The following TENM3 variants were observed in gnomAD, a reference collection of about 807,000 sequenced individuals.
TENM3 encodes teneurin-3.
A neutral mutation model predicts 255.1 loss-of-function variants in TENM3; 63 were observed. The observed-to-expected ratio is 0.25, with a 90% CI of 0.20 to 0.30. The LOEUF is 0.30. Among genes scored for constraint, TENM3 ranks in the 10% least tolerant of loss-of-function variants. The pLI is 1.00. For synonymous variants in TENM3, 1,306 were observed against 1,322.3 expected (o/e 0.99, Z 0.27); for missense variants, 2,929 against 3,461.1 (o/e 0.85, Z 3.86).
chr4:182,705,756 C>G (rs1209277741), intron 12 of TENM3, among the ~76,000 whole-genome samples: 2 of 152,232 alleles, frequency 1.3e-5, no homozygotes, highest in African/African-American at 2.4e-5. Flanking sequence ...TTGGGAACTA[C>G]TACTCAGCAG....
chr4:181,525,097 T>A, the TENM3 span, among the ~76,000 whole-genome samples: 3 of 152,000 alleles, frequency 2.0e-5, no homozygotes, highest in African/African-American at 7.2e-5. Flanking sequence ...GTTTGACAGG[T>A]CAGTGCTAAT....
the TENM3 span, among the ~76,000 whole-genome samples, chr4:181,927,361 G>A: frequency 6.6e-6 from 1 of 152,226 alleles, no homozygotes; most frequent in Non-Finnish European, 1.5e-5. Context: ...CATTACTGGG[G>A]CCTGAGTAGG....
intron 3 of TENM3, among the ~76,000 whole-genome samples, chr4:182,505,920 G>A (rs1736770400): frequency 1.3e-5 from 2 of 152,168 alleles, no homozygotes; most frequent in South Asian, 2.1e-4. Context: ...TCCTGTTAAA[G>A]CAAAGCATTA....
chr4:181,816,833 C>T, the TENM3 span, among the ~76,000 whole-genome samples: 1 of 152,182 alleles, frequency 6.6e-6, no homozygotes, highest in African/African-American at 2.4e-5. Flanking sequence ...ATAGTCTTAT[C>T]CTCTCTTGGC....
the TENM3 span, among the ~76,000 whole-genome samples, chr4:181,867,487 A>G: frequency 6.6e-6 from 1 of 152,146 alleles, no homozygotes; most frequent in Non-Finnish European, 1.5e-5. Flanking sequence ...TACCTCTTTT[A>G]TGATACTCAC....
the TENM3 span, among the ~76,000 whole-genome samples, chr4:181,605,549 A>AG: frequency 6.3e-4 from 18 of 28,686 alleles, 1 homozygote; most frequent in Admixed American, 1.6e-3. Flanking sequence ...AAAGAAAGAA[A>AG]GAAAGAAAGA....
chr4:182,702,742 T>C (rs951208459), intron 12 of TENM3, among the ~76,000 whole-genome samples: 4 of 151,800 alleles, frequency 2.6e-5, no homozygotes, highest in African/African-American at 7.3e-5. Flanking sequence ...TCTTTTTTTT[T>C]TTTTTCTTTT....
At chr4:182,051,776 C>T in the TENM3 span, among the ~76,000 whole-genome samples, 1 of 152,072 alleles carries the variant, frequency 6.6e-6, no homozygotes, top group Admixed American at 6.5e-5. Context: ...AGCAAGGTTG[C>T]CCTGTATAAC....
rs1217556386 is a variant in TENM3, at chr4:182,412,487, C to T, written c.511+65558C>T. ...CAGTGTTTGGAAGATGAGTTCACTG[C>T]ATATGAAATGAAAATGATGAGTTTT... is the stretch of plus-strand genomic sequence containing the variant. On this transcript the variant is annotated intron_variant, in intron 3 of 27. Transcript: ENST00000511685. 4.6e-5 allele frequency among the ~76,000 whole-genome samples: 7 copies of T among 152,110 alleles called. No homozygotes were observed. In the East Asian group the frequency reaches 1.4e-3, roughly 29 times the overall value.
At chr4:182,461,267 G>C (rs1209633022) in intron 3 of TENM3, among the ~76,000 whole-genome samples, 1 of 152,188 alleles carries the variant, frequency 6.6e-6, no homozygotes, top group African/African-American at 2.4e-5. Context: ...AGATGCTTGA[G>C]TCTGATTGAA....
At chr4:181,507,109 C>T in the TENM3 span, among the ~76,000 whole-genome samples, 210 of 152,306 alleles carry the variant, frequency 1.4e-3, no homozygotes, top group Middle Eastern at 0.01. Context: ...TACCTGATCT[C>T]GTGGCATCTG....
At chr4:181,483,871 A>G in the TENM3 span, among the ~76,000 whole-genome samples, 1 of 152,308 alleles carries the variant, frequency 6.6e-6, no homozygotes, top group South Asian at 2.1e-4. Context: ...GATGATTGGT[A>G]GTAAACTTCT....
the TENM3 span, among the ~76,000 whole-genome samples, chr4:181,735,271 G>A: frequency 2.0e-5 from 3 of 152,070 alleles, no homozygotes; most frequent in East Asian, 5.8e-4. Flanking sequence ...TTTTAAACTT[G>A]TAAAAGAGTT....
the TENM3 span, among the ~76,000 whole-genome samples, chr4:182,059,061 T>C: frequency 6.6e-6 from 1 of 151,484 alleles, no homozygotes; most frequent in Non-Finnish European, 1.5e-5. Flanking sequence ...TGGGGCAGAA[T>C]TAAGGAGAGG....
In TENM3 at chr4:182,501,379, G is replaced by A. The variant is rs554648384; in HGVS notation, c.512-99545G>A. On this transcript the variant is annotated intron_variant, in intron 3 of 27. Transcript: ENST00000511685. ...TTAAAGCTATGTCTAAAAGTGGGGGGGGGGGTTGGCAATTAATCTTATTAC... is the reference window on the plus strand; with the variant it reads ...TTAAAGCTATGTCTAAAAGTGGGGGAGGGGGTTGGCAATTAATCTTATTAC... 2.8e-3 allele frequency among the ~76,000 whole-genome samples: 409 copies of A among 148,030 alleles called. 1 individual carries two copies. Among genetic ancestry groups the A allele is most frequent in the African/African-American group, 9.8e-3 (397 of 40,472 alleles).
At chr4:182,080,852 G>A in the TENM3 span, among the ~76,000 whole-genome samples, 6 of 152,124 alleles carry the variant, frequency 3.9e-5, no homozygotes, top group South Asian at 2.1e-4. Context: ...TTGGCTGGGC[G>A]TAGCGACATG....
the TENM3 span, among the ~76,000 whole-genome samples, chr4:182,095,801 G>C: frequency 2.0e-4 from 31 of 152,122 alleles, no homozygotes; most frequent in South Asian, 2.1e-4. Flanking sequence ...ATTACCTGGT[G>C]TATGCTTGTA....
At chr4:181,890,532 G>A in the TENM3 span, among the ~76,000 whole-genome samples, 1 of 151,760 alleles carries the variant, frequency 6.6e-6, no homozygotes, top group African/African-American at 2.4e-5. Flanking sequence ...CTATTAAAAG[G>A]TTTCTAAATG....
At chr4:181,728,774 G>A in the TENM3 span, among the ~76,000 whole-genome samples, 1 of 152,002 alleles carries the variant, frequency 6.6e-6, no homozygotes, top group African/African-American at 2.4e-5. Context: ...TAACCTCCTG[G>A]GAATGCAGCC....
Sources: gnomAD v4.1 joint callset for allele counts (sites outside exome capture counted in the v4.1 genomes callset) on GRCh38, gnomAD v4.1.1 for gene constraint, MANE v1.5 for transcripts, NCBI Gene and HGNC (gene_info 2026-07-23, HGNC 2026-07-21) for gene names.